SPOCK1: variants seen among roughly 807,000 people sequenced by gnomAD.
The protein encoded by SPOCK1 is testican-1.
In SPOCK1, 23 loss-of-function variants were observed where a neutral mutation model predicts 55.3. The ratio of observed to expected loss-of-function variants is 0.42; its 90% CI spans 0.30 to 0.59. The LOEUF (loss-of-function observed/expected upper bound fraction) is 0.59. Ranked by LOEUF, SPOCK1 falls within the 20% of genes least tolerant of loss-of-function variation. The pLI is 0.22. For missense variants in SPOCK1, 499 were observed against 552.5 expected, an observed-to-expected ratio of 0.90 and a Z score of 0.97; for synonymous variants, 226 against 221.0, an observed-to-expected ratio of 1.02 and a Z score of -0.20.
chr5:137,112,329 G>A, intron 5 of SPOCK1, 106 bp downstream of exon 5: 1 of 1,426,910 alleles, frequency 7.0e-7, no homozygotes, highest in Non-Finnish European at 9.5e-7. Flanking sequence ...CAAGGGCAAG[G>A]CCTGGAGCCC....
At chr5:137,404,000 G>A (rs1476359287) in intron 2 of SPOCK1, among the ~76,000 whole-genome samples, 1 of 152,216 alleles carries the variant, frequency 6.6e-6, no homozygotes, top group Non-Finnish European at 1.5e-5. Flanking sequence ...ATGCAAAGGT[G>A]AGACAGACAG....
At chr5:136,999,033 C>T (rs1580700510) in intron 6 of SPOCK1, among the ~76,000 whole-genome samples, 1 of 152,296 alleles carries the variant, frequency 6.6e-6, no homozygotes, top group African/African-American at 2.4e-5. Context: ...GATCGCTCTC[C>T]ACCTGGCCAC....
chr5:137,197,259 T>C (rs1679901229), intron 3 of SPOCK1, among the ~76,000 whole-genome samples: 1 of 152,164 alleles, frequency 6.6e-6, no homozygotes, highest in South Asian at 2.1e-4. Flanking sequence ...AGTAAGCTGC[T>C]GGCACCTGCT....
intron 2 of SPOCK1, among the ~76,000 whole-genome samples, chr5:137,314,418 G>A (rs967340189): frequency 2.6e-5 from 4 of 152,140 alleles, no homozygotes; most frequent in Non-Finnish European, 4.4e-5. Context: ...TGATTCCACA[G>A]AAGGAAGACA....
At chr5:137,072,266 T>C (rs1209061804) in intron 5 of SPOCK1, among the ~76,000 whole-genome samples, 2 of 152,254 alleles carry the variant, frequency 1.3e-5, no homozygotes, top group Admixed American at 1.3e-4. Flanking sequence ...TAATTAACTC[T>C]AACTCTCTAA....
chr5:137,192,769 C>G (rs952215037), intron 3 of SPOCK1, among the ~76,000 whole-genome samples: 1 of 152,198 alleles, frequency 6.6e-6, no homozygotes, highest in African/African-American at 2.4e-5. Context: ...GAACCAACAA[C>G]ACGGAAAAAC....
At chr5:137,400,885 G>A (rs62374201) in intron 2 of SPOCK1, among the ~76,000 whole-genome samples, 22,891 of 152,184 alleles carry the variant, frequency 0.15, 2,303 homozygotes, top group Middle Eastern at 0.22. Context: ...AATCAGGGGT[G>A]GTTCCCACTA....
chr5:137,224,339 G>A (rs1424939928), intron 3 of SPOCK1, among the ~76,000 whole-genome samples: 1 of 152,242 alleles, frequency 6.6e-6, no homozygotes, highest in Non-Finnish European at 1.5e-5. Context: ...TGCTTGCCAT[G>A]TAGGCAGGGT....
At chr5:137,213,941 A>G (rs540494012) in intron 3 of SPOCK1, among the ~76,000 whole-genome samples, 16 of 152,330 alleles carry the variant, frequency 1.1e-4, no homozygotes, top group African/African-American at 3.6e-4. Flanking sequence ...AACAAAACCA[A>G]TGTGCATCTG....
At chr5:137,130,763 A>C (rs1014938479) in intron 4 of SPOCK1, among the ~76,000 whole-genome samples, 8 of 152,236 alleles carry the variant, frequency 5.3e-5, no homozygotes, top group African/African-American at 1.4e-4. Context: ...CCAGCTGTGG[A>C]CGCATCATGG....
At chr5:137,416,806 G>A (rs889466786) in intron 2 of SPOCK1, among the ~76,000 whole-genome samples, 7 of 152,062 alleles carry the variant, frequency 4.6e-5, no homozygotes, top group African/African-American at 1.7e-4. Context: ...CTATCATGAA[G>A]GTGAAATAGT....
At chr5:137,069,934 C>A (rs186288078) in intron 5 of SPOCK1, among the ~76,000 whole-genome samples, 59 of 152,280 alleles carry the variant, frequency 3.9e-4, no homozygotes, top group African/African-American at 1.4e-3. Context: ...CTGTGAGACT[C>A]CCCCTCTCCA....
intron 3 of SPOCK1, among the ~76,000 whole-genome samples, chr5:137,253,262 G>A (rs1215494922): frequency 6.6e-6 from 1 of 152,098 alleles, no homozygotes; most frequent in Non-Finnish European, 1.5e-5. Flanking sequence ...ACAATGAGTG[G>A]GTAGGTTGCT....
At chr5:137,007,845 C>T (rs1024935187) in intron 6 of SPOCK1, among the ~76,000 whole-genome samples, 5 of 151,992 alleles carry the variant, frequency 3.3e-5, no homozygotes, top group African/African-American at 1.2e-4. Context: ...CACACGTATG[C>T]TTATTGTGGC....
In SPOCK1 at chr5:137,352,440, G is replaced by A. The variant is rs186895366; in HGVS notation, c.187-85385C>T. 3.7e-3 allele frequency among the ~76,000 whole-genome samples: 567 copies of A among 152,332 alleles called. 5 individuals carry two copies. Among genetic ancestry groups the A allele is most frequent in the Non-Finnish European group, 5.9e-3 (399 of 68,038 alleles). On this transcript the variant is annotated intron_variant, in intron 2 of 10. Transcript: ENST00000394945. ...TAACGCGGTGACTGCTGAGGATGCC[G>A]CATTCTTGGACATATGATTGCTAAA...
intron 3 of SPOCK1, among the ~76,000 whole-genome samples, chr5:137,163,872 T>C (rs764559684): frequency 6.6e-6 from 1 of 152,220 alleles, no homozygotes; most frequent in Non-Finnish European, 1.5e-5. Flanking sequence ...TAAGATCTCA[T>C]ATCATACAAA....
chr5:137,449,886 CAAAAAAAAAAAAAAAAA>C lies in SPOCK1; in HGVS notation c.186+48470_186+48486del, dbSNP rs562723108. 8.1e-3 allele frequency among the ~76,000 whole-genome samples: 428 copies of C among 52,980 alleles called. 4 individuals carry two copies. Among genetic ancestry groups the C allele is most frequent in the African/African-American group, 0.031 (400 of 12,700 alleles). 34.8% of individuals were successfully genotyped at this position (52,980 alleles called of 152,430 possible). On this transcript the variant is annotated intron_variant, in intron 2 of 10. Transcript: ENST00000394945. Reference sequence around the variant, plus strand: ...TGGGCAACAAAGTGAGATGCTGTCTCAAAAAAAAAAAAAAAAAAAAAAAAAAAAAAAGAAAGAAAGAA... The same window carrying C: ...TGGGCAACAAAGTGAGATGCTGTCTCAAAAAAAAAAAAAAGAAAGAAAGAA...
chr5:137,322,522 A>T (rs1757998514), intron 2 of SPOCK1, among the ~76,000 whole-genome samples: 1 of 152,216 alleles, frequency 6.6e-6, no homozygotes, highest in African/African-American at 2.4e-5. Flanking sequence ...AATACAAAAG[A>T]TGTAATTTGT....
intron 5 of SPOCK1, among the ~76,000 whole-genome samples, chr5:137,071,083 C>CA: frequency 6.7e-6 from 1 of 148,974 alleles, no homozygotes; most frequent in East Asian, 2.0e-4. Context: ...AGTGCAGTGG[C>CA]ATAATCATAG....
Sources: gnomAD v4.1 joint callset for allele counts (sites outside exome capture counted in the v4.1 genomes callset) on GRCh38, gnomAD v4.1.1 for gene constraint, MANE v1.5 for transcripts, NCBI Gene and HGNC (gene_info 2026-07-23, HGNC 2026-07-21) for gene names.